Variants in NXPE2 observed in about 807,000 individuals in gnomAD.
The protein encoded by NXPE2 is neurexophilin and PC-esterase domain family member 2.
A neutral mutation model predicts 34.4 loss-of-function variants in NXPE2; 34 were observed. That is an observed-to-expected ratio of 0.99 (90% CI 0.75 to 1.31). The LOEUF (loss-of-function observed/expected upper bound fraction) is 1.31, where lower values mean the gene tolerates loss of function less well. NXPE2 is among the 40% of genes most tolerant of loss of function. The probability of loss-of-function intolerance (pLI) is 0.00; values close to 1 mark genes in which losing one functional copy is unlikely to be tolerated. For missense variants in NXPE2, 649 were observed against 672.5 expected (o/e 0.97, Z 0.39); for synonymous variants, 235 against 231.3 (o/e 1.02, Z -0.15).
At chr11:114,537,816 T>A in the NXPE2 span, among the ~76,000 whole-genome samples, 2 of 151,912 alleles carry the variant, frequency 1.3e-5, no homozygotes, top group Admixed American at 1.3e-4. Flanking sequence ...TCCATGCTCA[T>A]GGGTAGGAAG....
the NXPE2 span, among the ~76,000 whole-genome samples, chr11:114,749,569 A>G: frequency 6.6e-6 from 1 of 152,176 alleles, no homozygotes; most frequent in Non-Finnish European, 1.5e-5. Context: ...ATAATCTCCA[A>G]AAGTTCACAA....
At chr11:114,574,075 A>C in the NXPE2 span, among the ~76,000 whole-genome samples, 3 of 152,062 alleles carry the variant, frequency 2.0e-5, no homozygotes, top group Non-Finnish European at 4.4e-5. Context: ...AAACCATGCA[A>C]ATACATGGAA....
chr11:114,642,830 A>C, the NXPE2 span, among the ~76,000 whole-genome samples: 1 of 152,088 alleles, frequency 6.6e-6, no homozygotes, highest in South Asian at 2.1e-4. Flanking sequence ...ATCCTTGAGG[A>C]ATCGCCACAC....
At chr11:114,794,012 T>C in the NXPE2 span, among the ~76,000 whole-genome samples, 1 of 152,196 alleles carries the variant, frequency 6.6e-6, no homozygotes, top group East Asian at 1.9e-4. Flanking sequence ...CATCATTTCC[T>C]GTTGGGATTA....
At chr11:114,522,521 A>C in the NXPE2 span, 1 of 1,546,666 alleles carries the variant, frequency 6.5e-7, no homozygotes, top group Non-Finnish European at 8.8e-7. Context: ...AAAAACAAAT[A>C]GATGTTTTAA....
chr11:114,625,633 T>C, the NXPE2 span, among the ~76,000 whole-genome samples: 1 of 152,276 alleles, frequency 6.6e-6, no homozygotes, highest in East Asian at 1.9e-4. Context: ...GTAACTGCTG[T>C]TACCCGGTGG....
the NXPE2 span, among the ~76,000 whole-genome samples, chr11:114,631,777 C>A: frequency 6.6e-6 from 1 of 151,662 alleles, no homozygotes; most frequent in East Asian, 1.9e-4. Flanking sequence ...AGTATTGCCT[C>A]ATGAGTAATC....
the NXPE2 span, among the ~76,000 whole-genome samples, chr11:114,500,481 G>A: frequency 6.6e-6 from 1 of 151,934 alleles, no homozygotes; most frequent in Non-Finnish European, 1.5e-5. Flanking sequence ...TGTTTTCTTT[G>A]TTATTTGAGT....
the NXPE2 span, among the ~76,000 whole-genome samples, chr11:114,632,112 A>G: frequency 1.4e-5 from 2 of 144,600 alleles, no homozygotes; most frequent in African/African-American, 5.0e-5. Context: ...TAATATATAA[A>G]TTATATATTA....
At chr11:114,622,222 C>A in the NXPE2 span, among the ~76,000 whole-genome samples, 1 of 104,710 alleles carries the variant, frequency 9.6e-6, no homozygotes, top group East Asian at 1.9e-4. Context: ...ATAAGTGTTG[C>A]CTCCTGGTTA....
the NXPE2 span, among the ~76,000 whole-genome samples, chr11:114,578,850 C>A: frequency 6.6e-6 from 1 of 152,138 alleles, no homozygotes; most frequent in South Asian, 2.1e-4. Context: ...TTATCCCTGA[C>A]CCTTAAATTA....
chr11:114,706,032 A>G (rs547261730), intron 5 of NXPE2, 36 bp downstream of exon 5: 2 of 963,494 alleles, frequency 2.1e-6, no homozygotes, highest in East Asian at 6.6e-5. Flanking sequence ...ATTCTATTTG[A>G]CTTTTGAGGG....
the NXPE2 span, among the ~76,000 whole-genome samples, chr11:114,788,824 T>C: frequency 1.3e-5 from 2 of 152,198 alleles, no homozygotes; most frequent in African/African-American, 4.8e-5. Flanking sequence ...CGAATCATCA[T>C]ATTAAATTAG....
chr11:114,643,153 T>A, the NXPE2 span, among the ~76,000 whole-genome samples: 1 of 152,154 alleles, frequency 6.6e-6, no homozygotes, highest in African/African-American at 2.4e-5. Flanking sequence ...ATTCTGGATA[T>A]TAGCCCTTTG....
chr11:114,554,167 A>C, the NXPE2 span: 37 of 985,300 alleles, frequency 3.8e-5, no homozygotes, highest in Non-Finnish European at 4.1e-5. Context: ...AGAGCCCGCT[A>C]GTTGTCTCTT....
At chr11:114,771,615 G>A in the NXPE2 span, among the ~76,000 whole-genome samples, 1 of 152,150 alleles carries the variant, frequency 6.6e-6, no homozygotes, top group Non-Finnish European at 1.5e-5. Flanking sequence ...GTCCTCGTGA[G>A]TGCTCACTCT....
At chr11:114,693,311 G>A (rs1176409226) in intron 2 of NXPE2, among the ~76,000 whole-genome samples, 1 of 152,168 alleles carries the variant, frequency 6.6e-6, no homozygotes, top group African/African-American at 2.4e-5. Context: ...AAAGTGTTAG[G>A]GAGACTGTGG....
At chr11:114,606,603 A>G in the NXPE2 span, among the ~76,000 whole-genome samples, 1 of 152,000 alleles carries the variant, frequency 6.6e-6, no homozygotes, top group Non-Finnish European at 1.5e-5. Flanking sequence ...GTGGGTAACC[A>G]CTGTTACCTG....
the NXPE2 span, among the ~76,000 whole-genome samples, chr11:114,656,896 T>C: frequency 6.6e-6 from 1 of 151,962 alleles, no homozygotes; most frequent in African/African-American, 2.4e-5. Flanking sequence ...ATCGAGACCA[T>C]CCTGGCTAAC....
Sources: allele counts gnomAD v4.1 joint callset (sites outside exome capture counted in the v4.1 genomes callset), GRCh38; gene constraint gnomAD v4.1.1; transcripts MANE v1.5; gene names NCBI Gene and HGNC (gene_info 2026-07-23, HGNC 2026-07-21).